The following NOTCH3 variants were observed in gnomAD, a reference collection of about 807,000 sequenced individuals.
NOTCH3 encodes the protein neurogenic locus notch homolog protein 3.
In NOTCH3, 86 loss-of-function variants were observed where a neutral mutation model predicts 213.3. The observed-to-expected ratio is 0.40, with a 90% CI of 0.34 to 0.48. The LOEUF (loss-of-function observed/expected upper bound fraction) is 0.48, where lower values mean the gene tolerates loss of function less well. Among genes scored for constraint, NOTCH3 ranks in the 20% least tolerant of loss-of-function variants. The pLI is 0.57. For missense variants in NOTCH3, 2,783 were observed against 3,272.6 expected, an observed-to-expected ratio of 0.85 and a Z score of 3.65; for synonymous variants, 1,354 against 1,355.9, an observed-to-expected ratio of 1.00 and a Z score of 0.03.
chr19:15,174,177 G>T lies in NOTCH3; in HGVS notation c.4627C>A (p.Leu1543Met), dbSNP rs111838442. The change falls in exon 25 of 33, where the codon CTG becomes ATG. Residue 1543 changes from leucine to methionine, a missense_variant. By Grantham distance (15) the Leu-to-Met change is conservative. This residue lies in a region of NOTCH3 where 636 missense variants were observed against 801.8 expected (regional missense o/e 0.79). Coordinates refer to ENST00000263388, the MANE Select transcript of NOTCH3 (RefSeq NM_000435.3). ...QRLSAILRTSLRFRLDAHGQA... is the reference protein window; with the variant it reads ...QRLSAILRTSMRFRLDAHGQA... ...CCGTGCGCGTCCAGGCGGAAGCGCAGCGAGGTGCGCAGGATGGCGCTGAGC... is the reference window on the plus strand; with the variant it reads ...CCGTGCGCGTCCAGGCGGAAGCGCATCGAGGTGCGCAGGATGGCGCTGAGC... The T allele has an allele frequency of 4.3e-6, 7 of 1,609,280 alleles. No individual in the cohort carries two copies. Among genetic ancestry groups the T allele is most frequent in the East Asian group, 2.2e-5 (1 of 44,866 alleles).
At position 15,191,922 on chromosome 19, in the gene NOTCH3, G is replaced by A. The variant is rs370312888; in HGVS notation, c.679+38C>T. The stretch of plus-strand genomic sequence containing the variant: ...CGCCGGGCTGGCCTGCTGTCCCCAC[G>A]CCCACCCCTCTGACTCTCCTGAGTA... On this transcript the variant is annotated intron_variant, in intron 4 of 32. Transcript: ENST00000263388. 86 of 1,613,516 alleles carry A rather than the reference G, an allele frequency of 5.3e-5. 1 individual carries two copies. Among genetic ancestry groups the A allele is most frequent in the Non-Finnish European group, 7.2e-5 (85 of 1,180,026 alleles).
chr19:15,169,223 T>TCTCTCC (rs2046710702), intron 28 of NOTCH3, among the ~76,000 whole-genome samples: 1 of 87,416 alleles, frequency 1.1e-5, no homozygotes, highest in African/African-American at 4.4e-5. Context: ...TCTCTCTCTC[T>TCTCTCC]CTCTCTCCCC....
chr19:15,179,867 TGA>T (rs1274204179), intron 20 of NOTCH3, among the ~76,000 whole-genome samples: 1 of 151,340 alleles, frequency 6.6e-6, no homozygotes, highest in East Asian at 1.9e-4. Flanking sequence ...GGTGACAGAG[TGA>T]GAACCTGTCT....
In NOTCH3 at chr19:15,165,335, C is replaced by T; in HGVS notation, c.5815+33G>A. The T allele has an allele frequency of 1.9e-6, 3 of 1,600,368 alleles. No homozygotes were observed. The highest frequency in any genetic ancestry group is 1.1e-5 in the South Asian group (1 of 91,048). Reference sequence around the variant, plus strand: ...ACCCTCAGGGCCCAGGTGACACCAACCCAGCTTAGACTTGATTCCTCTGCC... The same window carrying T: ...ACCCTCAGGGCCCAGGTGACACCAATCCAGCTTAGACTTGATTCCTCTGCC... On this transcript the variant is annotated intron_variant, in intron 31 of 32. Transcript: ENST00000263388. This position sits in a 1 kb window ranked among gnomAD's most constrained non-coding sequence, Gnocchi z 4.7.
chr19:15,172,801 G>A (rs2046745331), intron 25 of NOTCH3, among the ~76,000 whole-genome samples: 1 of 151,220 alleles, frequency 6.6e-6, no homozygotes, highest in South Asian at 2.1e-4. Flanking sequence ...GAGTAGCTGG[G>A]ACTAAAGGCA....
intron 25 of NOTCH3, among the ~76,000 whole-genome samples, chr19:15,173,591 G>A (rs2046758238): frequency 6.6e-6 from 1 of 151,346 alleles, no homozygotes; most frequent in South Asian, 2.1e-4. Flanking sequence ...TTAGCCCGGT[G>A]TGGTGGTGGA....
At chr19:15,183,880 G>A (rs557260824) in intron 16 of NOTCH3, among the ~76,000 whole-genome samples, 12 of 151,790 alleles carry the variant, frequency 7.9e-5, no homozygotes, top group Non-Finnish European at 1.6e-4. Flanking sequence ...GCGAAACTCC[G>A]TCTCTACAAA....
chr19:15,175,948 G>A (rs373420182), intron 24 of NOTCH3, among the ~76,000 whole-genome samples: 22 of 151,544 alleles, frequency 1.5e-4, no homozygotes, highest in Admixed American at 5.3e-4. Flanking sequence ...AGAGAGGTAC[G>A]CAGAGGACAG....
In NOTCH3 at chr19:15,184,937, C is replaced by A; in HGVS notation, c.2379G>T (p.Leu793=). ...GGRCESAPGQ[L]PVCSCPQGWQ... is the part of the protein sequence containing the mutation. ...AGCCCTGGGGGCAGGAGCAGACAGG[C>A]AGCTGGCCAGGGGCAGACTCGCAGC... The change falls in exon 15 of 33, where the codon CTG becomes CTT. Residue 793 remains leucine (L), a synonymous_variant. Coordinates refer to ENST00000263388, the MANE Select transcript of NOTCH3 (RefSeq NM_000435.3). 5.8e-6 allele frequency: 9 copies of A among 1,549,896 alleles called. No individual in the cohort carries two copies. The highest frequency in any genetic ancestry group is 7.9e-6 in the Non-Finnish European group (9 of 1,146,182).
At chr19:15,175,727 CA>C (rs2046784859) in intron 24 of NOTCH3, among the ~76,000 whole-genome samples, 2 of 150,842 alleles carry the variant, frequency 1.3e-5, no homozygotes, top group Admixed American at 1.3e-4. Flanking sequence ...ACCATTTCAG[CA>C]AAGACTTGAA....
chr19:15,183,154 T>G (rs1431081065), intron 16 of NOTCH3, among the ~76,000 whole-genome samples: 2 of 151,934 alleles, frequency 1.3e-5, no homozygotes, highest in Non-Finnish European at 2.9e-5. Flanking sequence ...CTCAGGAGGT[T>G]AAGACAGGAG....
In NOTCH3 at chr19:15,192,478, T is replaced by G. The variant is rs1599395616; in HGVS notation, c.239A>C (p.Asp80Ala). The G allele has an allele frequency of 6.2e-7, 1 of 1,607,318 alleles. No homozygotes were observed. Among genetic ancestry groups the G allele is most frequent in the Non-Finnish European group, 8.5e-7 (1 of 1,177,970 alleles). Residue 80 changes from aspartate (D) to alanine (A), a missense_variant, in exon 3 of 33, where the codon GAC (aspartate) becomes GCC (alanine). By Grantham distance (126) the Asp-to-Ala change is moderately radical. This residue lies in a region of NOTCH3 where 708 missense variants were observed against 906.6 expected (regional missense o/e 0.78). Transcript: ENST00000263388. ...AGCACAGGGGCCTGAGTGACAGGGG[T>G]CCTCCAGCTGACACCGCTCACCCAC... ...GWVGERCQLE[D>A]PCHSGPCAGR...
chr19:15,199,512 C>T (rs189160800), intron 1 of NOTCH3, among the ~76,000 whole-genome samples: 17 of 152,096 alleles, frequency 1.1e-4, no homozygotes, highest in Admixed American at 1.0e-3. Flanking sequence ...GTGCAGGCAG[C>T]GTGTGTGCCA....
In NOTCH3 at chr19:15,187,196, C is replaced by T. The variant is rs373985781; in HGVS notation, c.1749G>A (p.Val583=). 70 of 1,613,968 alleles carry T rather than the reference C, an allele frequency of 4.3e-5. No individual in the cohort carries two copies. Among genetic ancestry groups the T allele is most frequent in the Non-Finnish European group, 5.3e-5 (62 of 1,180,028 alleles). ...GGCAGGGCTGGCTGCGGCATTCGTC[C>T]ACCTGGCTCTCGCAGCGTGTGCCCG... ...GYTGTRCESQ[V]DECRSQPCRH... is the part of the protein sequence containing the mutation. Residue 583 remains valine (V), a synonymous_variant, in exon 11 of 33, where the codon GTG becomes GTA. Transcript: ENST00000263388.
intron 32 of NOTCH3, 23 bp from the exon 33 acceptor site, chr19:15,161,737 G>T: frequency 6.2e-7 from 1 of 1,608,340 alleles, no homozygotes; most frequent in Non-Finnish European, 8.5e-7. Flanking sequence ...AACCCACAGA[G>T]GTCAGCGAAA....
In NOTCH3 at chr19:15,165,439, C is replaced by T. The variant is rs747223569; in HGVS notation, c.5744G>A (p.Arg1915His). Residue 1915 changes from arginine (R) to histidine (H), a missense_variant, in exon 31 of 33, where the codon CGC (arginine) becomes CAC (histidine). Arg to His is a conservative substitution (Grantham distance 29, BLOSUM62 0). Coordinates refer to ENST00000263388, the MANE Select transcript of NOTCH3 (RefSeq NM_000435.3). This position sits in a 1 kb window ranked among gnomAD's most constrained non-coding sequence, Gnocchi z 4.7. ...TTCCACCATGCCCTCTACTGCCAGG[C>T]GGGCCGCCAGGATCAGTGCCGTTGA... ...DGSTALILAA[R>H]LAVEGMVEEL... The T allele has an allele frequency of 8.1e-6, 13 of 1,612,300 alleles. No homozygotes were observed. Among genetic ancestry groups the T allele is most frequent in the Non-Finnish European group, 1.0e-5 (12 of 1,180,004 alleles).
chr19:15,171,497 G>A (rs1037295079), intron 25 of NOTCH3, among the ~76,000 whole-genome samples: 4 of 152,070 alleles, frequency 2.6e-5, no homozygotes, highest in African/African-American at 9.7e-5. Context: ...CCACAGACAT[G>A]TGCCACCACA....
At chr19:15,184,874 AGAG>A (rs894963251) in intron 15 of NOTCH3, 29 bp downstream of exon 15, 3 of 1,199,820 alleles carry the variant, frequency 2.5e-6, no homozygotes, top group Admixed American at 4.0e-5. Context: ...GAGGAGATGG[AGAG>A]GAGGAGGGAA....
chr19:15,180,235 C>T lies in NOTCH3; in HGVS notation c.3164G>A (p.Cys1055Tyr). Reference sequence around the variant, plus strand: ...ATCCACACACTGCCCACCCGCCTGACACAGCTGCTCCAGCCGCACCCCTGC... The same window carrying T: ...ATCCACACACTGCCCACCCGCCTGATACAGCTGCTCCAGCCGCACCCCTGC... ...AQIGVRLEQL[C>Y]QAGGQCVDED... The change falls in exon 20 of 33, where the codon TGT becomes TAT. Residue 1055 changes from cysteine to tyrosine, a missense_variant. Coordinates refer to ENST00000263388, the MANE Select transcript of NOTCH3 (RefSeq NM_000435.3). 6.2e-7 allele frequency: 1 copy of T among 1,613,766 alleles called. No homozygotes were observed. Among genetic ancestry groups the T allele is most frequent in the Non-Finnish European group, 8.5e-7 (1 of 1,180,020 alleles).
Sources: gnomAD v4.1 joint callset for allele counts (sites outside exome capture counted in the v4.1 genomes callset) on GRCh38, gnomAD v4.1.1 for gene constraint, gnomAD v4.1.1 regional missense constraint, Gnocchi (gnomAD v3.1) non-coding constraint, MANE v1.5 for transcripts, NCBI Gene and HGNC (gene_info 2026-07-23, HGNC 2026-07-21) for gene names.